The following SP140 variants were observed in gnomAD, a reference collection of about 807,000 sequenced individuals.
SP140 encodes the protein SP140 nuclear body protein.
A neutral mutation model predicts 125.0 loss-of-function variants in SP140; 81 were observed. The ratio of observed to expected loss-of-function variants is 0.65; its 90% confidence interval spans 0.54 to 0.78. SP140 has a LOEUF of 0.78. Ranked by LOEUF, SP140 falls within the 30% of genes least tolerant of loss-of-function variation. SP140 has a pLI of 0.00. For missense variants in SP140, 858 were observed against 1,037.0 expected (o/e 0.83, Z 2.37); for synonymous variants, 312 against 354.0 (o/e 0.88, Z 1.33).
At chr2:230,225,644 C>T, upstream of SP140, 1 of 631,586 alleles carries the variant, frequency 1.6e-6, no homozygotes, top group Non-Finnish European at 2.9e-6. Context: ...TCTGCTCCTC[C>T]TCCCTTGACT....
intron 17 of SP140, among the ~76,000 whole-genome samples, chr2:230,287,005 G>A (rs958899090): frequency 2.6e-5 from 4 of 152,196 alleles, no homozygotes; most frequent in African/African-American, 4.8e-5. Context: ...GCACAAGAAG[G>A]AAGGAACATT....
intron 15 of SP140, among the ~76,000 whole-genome samples, chr2:230,275,069 C>T (rs368530223): frequency 3.3e-5 from 5 of 152,066 alleles, no homozygotes; most frequent in African/African-American, 4.8e-5. Context: ...TCTTCTCCTA[C>T]GAGTGCCTGG....
chr2:230,218,262 AC>A (rs2148962299), intron 3 of SP140, among the ~76,000 whole-genome samples: 1 of 152,372 alleles, frequency 6.6e-6, no homozygotes, highest in African/African-American at 2.4e-5. Context: ...ACAACTGTTT[AC>A]AGGGATTTAA....
At chr2:230,309,371 C>T (rs2059118825) in intron 22 of SP140, among the ~76,000 whole-genome samples, 2 of 152,182 alleles carry the variant, frequency 1.3e-5, no homozygotes, top group Non-Finnish European at 2.9e-5. Context: ...GTCATCTCCA[C>T]CCACGGTCCT....
intron 12 of SP140, among the ~76,000 whole-genome samples, chr2:230,255,811 T>A (rs2051098843): frequency 6.6e-6 from 1 of 152,210 alleles, no homozygotes; most frequent in South Asian, 2.1e-4. Context: ...GGCAAGGCAA[T>A]GTGTTCCCTC....
Position 230,211,373 on chromosome 2 carries a change from A to G in SP140, c.-322-2281A>G, listed in dbSNP as rs2044455103. Reference sequence around the variant, plus strand: ...AGCTGGGCCAAGATTGCTGAGAGGCAGGAGGAGAGCCCCCTCTCTAGAAGA... The same window carrying G: ...AGCTGGGCCAAGATTGCTGAGAGGCGGGAGGAGAGCCCCCTCTCTAGAAGA... On this transcript the variant is annotated intron_variant, in intron 1 of 4. Transcript: ENST00000456542. The surrounding 1 kb of genome is among the most constrained non-coding windows in gnomAD (Gnocchi z 4.2). 1 of 826,190 alleles carries G rather than the reference A, an allele frequency of 1.2e-6. No homozygotes were observed. The highest frequency in any genetic ancestry group is 2.1e-6 in the Non-Finnish European group (1 of 469,292). The allele number at this position is 826,190 out of a possible 1,614,324, so 51.2% of individuals were successfully genotyped here.
At chr2:230,198,656 A>G (rs1393832739), upstream of SP140, among the ~76,000 whole-genome samples, 2 of 152,004 alleles carry the variant, frequency 1.3e-5, no homozygotes, top group South Asian at 2.1e-4. Context: ...GTGCAGTGGC[A>G]TGATCTTGGC....
At chr2:230,308,795 G>A (rs1023217465) in intron 22 of SP140, among the ~76,000 whole-genome samples, 5 of 152,346 alleles carry the variant, frequency 3.3e-5, no homozygotes, top group African/African-American at 7.2e-5. Flanking sequence ...CAGAGCCGGC[G>A]GAGGACTTGT....
chr2:230,249,057 C>G (rs2149205972), intron 9 of SP140, 89 bp downstream of exon 9: 1 of 950,278 alleles, frequency 1.1e-6, no homozygotes, highest in South Asian at 1.4e-5. Context: ...CCCATCCTAC[C>G]CTTCCCTTCT....
In SP140 at chr2:230,255,450, A is replaced by G; in HGVS notation, c.1160-2A>G. The G allele has an allele frequency of 6.2e-7, 1 of 1,613,854 alleles. No homozygotes were observed. Among genetic ancestry groups the G allele is most frequent in the Non-Finnish European group, 8.5e-7 (1 of 1,179,836 alleles). ...TCTGAGGGATTTCCTTCCTTTCTGC[A>G]GAGGGCAGTGATGACTGTTCGGAAA... On this transcript the variant is annotated splice_acceptor_variant, in intron 11 of 26. Coordinates refer to ENST00000392045, the MANE Select transcript of SP140 (RefSeq NM_007237.5). LOFTEE classifies it high-confidence loss of function.
chr2:230,266,736 C>T (rs976287744), intron 12 of SP140, among the ~76,000 whole-genome samples: 1 of 152,112 alleles, frequency 6.6e-6, no homozygotes, highest in Non-Finnish European at 1.5e-5. Context: ...TTGTTGGTCA[C>T]GGACCACTCT....
intron 26 of SP140, among the ~76,000 whole-genome samples, 189 bp from the exon 27 acceptor site, chr2:230,312,397 A>G (rs2059400456): frequency 6.6e-6 from 1 of 152,378 alleles, no homozygotes; most frequent in South Asian, 2.1e-4. Context: ...TAATTAGTTC[A>G]ATTTAATTAT....
chr2:230,245,051 A>T lies in SP140; in HGVS notation c.635A>T (p.Asp212Val). The T allele has an allele frequency of 6.2e-7, 1 of 1,612,962 alleles. No individual in the cohort carries two copies. Residue 212 changes from aspartate (D) to valine (V), a missense_variant, in exon 6 of 27, where the codon GAT becomes GTT. This residue lies in a region of SP140 where 791 missense variants were observed against 869.5 expected (regional missense o/e 0.91). Coordinates refer to ENST00000392045, the MANE Select transcript of SP140 (RefSeq NM_007237.5). ...LPKAGGGDAEDAPSLLPGGGV... is the reference protein window; with the variant it reads ...LPKAGGGDAEVAPSLLPGGGV... ...AAGGCTGGTGGAGGAGATGCTGAAG[A>T]TGCACCCAGCCTACTACCAGGTGGG...
chr2:230,201,416 C>T (rs989434909), upstream of SP140, among the ~76,000 whole-genome samples: 5 of 152,204 alleles, frequency 3.3e-5, no homozygotes, highest in African/African-American at 1.2e-4. Flanking sequence ...TAAGACACAT[C>T]AAAGCAGTGT....
At chr2:230,258,473 C>T (rs911690468) in intron 12 of SP140, among the ~76,000 whole-genome samples, 4 of 152,186 alleles carry the variant, frequency 2.6e-5, no homozygotes, top group African/African-American at 9.7e-5. Context: ...CACCAGCCAC[C>T]CTTGTGGCTG....
intron 15 of SP140, among the ~76,000 whole-genome samples, chr2:230,280,333 T>C (rs1575178290): frequency 6.6e-6 from 1 of 152,336 alleles, no homozygotes; most frequent in East Asian, 1.9e-4. Context: ...ACACAAACTT[T>C]TATGATTTTT....
At chr2:230,243,063 C>T (rs2048937075) in intron 4 of SP140, among the ~76,000 whole-genome samples, 1 of 152,200 alleles carries the variant, frequency 6.6e-6, no homozygotes, top group Non-Finnish European at 1.5e-5. Flanking sequence ...AATGAGCCAC[C>T]TGCTTACTTC....
At chr2:230,280,567 G>T (rs1016528466) in intron 15 of SP140, among the ~76,000 whole-genome samples, 2 of 151,872 alleles carry the variant, frequency 1.3e-5, no homozygotes, top group African/African-American at 4.8e-5. Flanking sequence ...TCTCCTTCCT[G>T]CTTTTTAATG....
intron 12 of SP140, among the ~76,000 whole-genome samples, chr2:230,256,798 T>A (rs2051287998): frequency 6.6e-6 from 1 of 152,236 alleles, no homozygotes; most frequent in Non-Finnish European, 1.5e-5. Context: ...TATTCTACCA[T>A]CTAATTGGCA....
Sources: allele counts gnomAD v4.1 joint callset (sites outside exome capture counted in the v4.1 genomes callset), GRCh38; gene constraint gnomAD v4.1.1; regional missense constraint gnomAD v4.1.1; non-coding constraint Gnocchi (gnomAD v3.1); transcripts MANE v1.5; gene names NCBI Gene and HGNC (gene_info 2026-07-23, HGNC 2026-07-21).